The following TBCK variants were observed in gnomAD, a reference collection of about 807,000 sequenced individuals.
TBCK encodes the protein TBC domain-containing protein kinase-like protein.
A neutral mutation model predicts 113.4 loss-of-function variants in TBCK; 99 were observed. The ratio of observed to expected loss-of-function variants is 0.87; its 90% CI spans 0.74 to 1.03. The LOEUF is 1.03. TBCK is among the 50% of genes least tolerant of loss of function. TBCK has a pLI of 0.00. For synonymous variants in TBCK, 369 were observed against 370.8 expected (o/e 1.00, Z 0.05); for missense variants, 1,045 against 1,061.3 (o/e 0.98, Z 0.21).
intron 3 of TBCK, among the ~76,000 whole-genome samples, chr4:106,279,802 A>G (rs1226174989): frequency 1.3e-5 from 2 of 152,176 alleles, no homozygotes; most frequent in Admixed American, 1.3e-4. Context: ...CATTGTGTAT[A>G]TGTACCATAT....
intron 23 of TBCK, among the ~76,000 whole-genome samples, chr4:106,133,292 A>G (rs1579006257): frequency 6.6e-6 from 1 of 152,126 alleles, no homozygotes; most frequent in Non-Finnish European, 1.5e-5. Flanking sequence ...GGTTTTATAA[A>G]TGGGAGTTCC....
intron 19 of TBCK, among the ~76,000 whole-genome samples, chr4:106,219,180 T>G (rs1257672720): frequency 1.6e-5 from 2 of 128,744 alleles, no homozygotes; most frequent in Admixed American, 9.3e-5. Flanking sequence ...TGAGATCACA[T>G]GGACACAGGA....
intron 23 of TBCK, among the ~76,000 whole-genome samples, chr4:106,131,577 C>A (rs1056744033): frequency 8.5e-5 from 13 of 152,196 alleles, no homozygotes; most frequent in African/African-American, 2.9e-4. Context: ...CGCATCACTG[C>A]ACTCCAGCCT....
intron 3 of TBCK, among the ~76,000 whole-genome samples, chr4:106,286,063 G>GT (rs1197729885): frequency 6.6e-6 from 1 of 152,122 alleles, no homozygotes; most frequent in Non-Finnish European, 1.5e-5. Flanking sequence ...CTAAAAGGCA[G>GT]TAAGTACTGA....
chr4:106,109,545 A>G (rs929759855), intron 24 of TBCK, among the ~76,000 whole-genome samples: 2 of 152,218 alleles, frequency 1.3e-5, no homozygotes, highest in Non-Finnish European at 2.9e-5. Flanking sequence ...CTATTCAATA[A>G]ATGGTGATGG....
At chr4:106,120,761 T>C (rs1744234916) in intron 23 of TBCK, among the ~76,000 whole-genome samples, 1 of 152,170 alleles carries the variant, frequency 6.6e-6, no homozygotes, top group Non-Finnish European at 1.5e-5. Context: ...GGGTCCTGTC[T>C]GTTAGAAGGA....
chr4:106,252,357 C>T (rs1403498335), intron 5 of TBCK, among the ~76,000 whole-genome samples: 1 of 151,676 alleles, frequency 6.6e-6, no homozygotes, highest in Admixed American at 6.6e-5. Flanking sequence ...ATTTAAAGTG[C>T]ATTTTATCTT....
chr4:106,272,742 A>C (rs1162114006), intron 3 of TBCK, among the ~76,000 whole-genome samples: 1 of 151,926 alleles, frequency 6.6e-6, no homozygotes, highest in Non-Finnish European at 1.5e-5. Flanking sequence ...TGATCTGCCC[A>C]CGTCGGCCTC....
At chr4:106,141,657 G>C (rs1014552701) in intron 23 of TBCK, among the ~76,000 whole-genome samples, 1 of 139,726 alleles carries the variant, frequency 7.2e-6, no homozygotes, top group Admixed American at 7.1e-5. Flanking sequence ...ACAACAAAAG[G>C]CTAAAATATC....
intron 24 of TBCK, among the ~76,000 whole-genome samples, chr4:106,115,470 T>C (rs28467469): frequency 0.4 from 60,167 of 152,022 alleles, 12,176 homozygotes; most frequent in South Asian, 0.47. Flanking sequence ...TTAGTAAATG[T>C]TATAAATCTG....
intron 23 of TBCK, among the ~76,000 whole-genome samples, chr4:106,165,052 C>T (rs1041785698): frequency 1.4e-4 from 21 of 151,636 alleles, no homozygotes; most frequent in African/African-American, 4.6e-4. Flanking sequence ...AAGAACTTAA[C>T]AATAATTATT....
chr4:106,305,699 G>T (rs1274188137), intron 2 of TBCK, among the ~76,000 whole-genome samples: 1 of 152,096 alleles, frequency 6.6e-6, no homozygotes, highest in Non-Finnish European at 1.5e-5. Flanking sequence ...CTTAGTCACA[G>T]GATGAGATAG....
chr4:106,144,333 C>T (rs1747506636), intron 23 of TBCK, among the ~76,000 whole-genome samples: 4 of 152,128 alleles, frequency 2.6e-5, no homozygotes, highest in African/African-American at 9.7e-5. Context: ...AAATAAACAG[C>T]ACAGTTGTAG....
intron 22 of TBCK, among the ~76,000 whole-genome samples, chr4:106,186,137 G>A (rs1752998031): frequency 6.6e-6 from 1 of 152,104 alleles, no homozygotes; most frequent in South Asian, 2.1e-4. Flanking sequence ...CACCATTGAT[G>A]GGCATTTAGG....
In TBCK at chr4:106,308,779, C is replaced by G; in HGVS notation, c.182G>C (p.Arg61Thr). 6.2e-7 allele frequency: 1 copy of G among 1,611,730 alleles called. No homozygotes were observed. The highest frequency in any genetic ancestry group is 8.5e-7 in the Non-Finnish European group (1 of 1,179,368). Residue 61 changes from arginine (R) to threonine (T), a missense_variant, in exon 2 of 26, where the codon AGG becomes ACG. Arg to Thr is a moderately conservative substitution (Grantham distance 71). Coordinates refer to ENST00000394708, the MANE Select transcript of TBCK (RefSeq NM_001163435.3). ...PRLCQYVDISRGKHERLVVVA... is the reference protein window; with the variant it reads ...PRLCQYVDISTGKHERLVVVA... Reference sequence around the variant, plus strand: ...AGAAAATAACTTACCATGCTTTCCCCTAGAAATATCCACATACTGGCAGAG... The same window carrying G: ...AGAAAATAACTTACCATGCTTTCCCGTAGAAATATCCACATACTGGCAGAG...
rs535528707 is a variant in TBCK at position 106,209,940 on chromosome 4, G to A, written c.1860+2810C>T. Among the ~76,000 whole-genome samples the A allele has an allele frequency of 5.3e-5, 8 of 152,070 alleles. No homozygotes were observed. The South Asian group carries it at 8.3e-4, about 16-fold the overall frequency. On this transcript the variant is annotated intron_variant, in intron 20 of 25. Transcript: ENST00000394708. ...TCTTTCTGCTTTTATAAGATTAAAT[G>A]TCTTTTCTTTGTTCTATCCTGCACC...
At chr4:106,285,211 G>C (rs1212097329) in intron 3 of TBCK, among the ~76,000 whole-genome samples, 2 of 151,918 alleles carry the variant, frequency 1.3e-5, no homozygotes, top group Non-Finnish European at 2.9e-5. Context: ...TTTAAACCAG[G>C]TTAGCCAACT....
chr4:106,155,676 G>GC lies in TBCK; in HGVS notation c.2235+15418dup, dbSNP rs552623817. Among the ~76,000 whole-genome samples the GC allele has an allele frequency of 3.9e-3, 600 of 152,006 alleles. 2 individuals are homozygous for GC. Among genetic ancestry groups the GC allele is most frequent in the African/African-American group, 0.014 (574 of 41,464 alleles). On this transcript the variant is annotated intron_variant, in intron 23 of 25. Transcript: ENST00000394708. ...ATACATTCTATTAGAGGACTGTGATGCATTCTTCAGTATGCCAATTGCACT... is the reference window on the plus strand; with the variant it reads ...ATACATTCTATTAGAGGACTGTGATGCCATTCTTCAGTATGCCAATTGCACT...
intron 20 of TBCK, among the ~76,000 whole-genome samples, chr4:106,195,353 T>G (rs1754091003): frequency 6.6e-6 from 1 of 152,116 alleles, no homozygotes; most frequent in African/African-American, 2.4e-5. Flanking sequence ...CTAATCCAAA[T>G]GCAATGCTGG....
Sources: gnomAD v4.1 joint callset for allele counts (sites outside exome capture counted in the v4.1 genomes callset) on GRCh38, gnomAD v4.1.1 for gene constraint, MANE v1.5 for transcripts, NCBI Gene and HGNC (gene_info 2026-07-23, HGNC 2026-07-21) for gene names.